Variants in MYZAP observed in about 807,000 individuals in gnomAD.
MYZAP encodes the protein myocardial zonula adherens protein.
MYZAP carries 66 observed loss-of-function variants against 69.4 expected under a neutral mutation model. That is an observed-to-expected ratio of 0.95 (90% confidence interval 0.78 to 1.17). The LOEUF (loss-of-function observed/expected upper bound fraction) is 1.17. MYZAP is among the 50% of genes most tolerant of loss of function. The pLI is 0.00. For synonymous variants in MYZAP, 256 were observed against 205.9 expected (o/e 1.24, Z -2.09); for missense variants, 611 against 556.2 (o/e 1.10, Z -0.99).
chr15:57,641,208 AAACCCTT>A (rs1400761519), intron 10 of MYZAP, among the ~76,000 whole-genome samples: 2 of 152,134 alleles, frequency 1.3e-5, no homozygotes, highest in East Asian at 3.8e-4. Flanking sequence ...TGATTCACTT[AAACCCTT>A]ACCTGTAAGA....
At chr15:57,659,247 G>A (rs887655669) in intron 10 of MYZAP, among the ~76,000 whole-genome samples, 1 of 152,010 alleles carries the variant, frequency 6.6e-6, no homozygotes, top group Non-Finnish European at 1.5e-5. Flanking sequence ...CGTTCATCTA[G>A]TTTATTTTTT....
intron 2 of MYZAP, among the ~76,000 whole-genome samples, chr15:57,611,532 C>T (rs1028058898): frequency 1.3e-5 from 2 of 152,116 alleles, no homozygotes; most frequent in African/African-American, 4.8e-5. Context: ...CACTAGTCTG[C>T]ATGGAAGCTG....
rs1274552548 is a variant in MYZAP, at chr15:57,627,391, G to A, written c.525+1499G>A. On this transcript the variant is annotated intron_variant, in intron 5 of 12. Coordinates refer to ENST00000267853, the MANE Select transcript of MYZAP (RefSeq NM_001018100.5). ...AGAGAGAGGGAGAGGGAGGGGGAGG[G>A]GGAGGGGGAGGGGAGGGGAAGGGGG... Among the ~76,000 whole-genome samples, 543 of 137,248 alleles carry A rather than the reference G, an allele frequency of 4.0e-3. 7 individuals carry two copies. The highest frequency in any genetic ancestry group is 0.014 in the African/African-American group (507 of 37,042). 90.0% of individuals were successfully genotyped at this position (137,248 alleles called of 152,430 possible).
At chr15:57,665,116 A>G (rs1425948) in intron 11 of MYZAP, among the ~76,000 whole-genome samples, 103,122 of 152,102 alleles carry the variant, frequency 0.68, 35,150 homozygotes, top group East Asian at 0.87. Flanking sequence ...GTTGGAGACT[A>G]TCATCAAACT....
intron 10 of MYZAP, chr15:57,646,045 C>A: frequency 1.4e-6 from 1 of 700,944 alleles, no homozygotes; most frequent in Non-Finnish European, 2.2e-6. Context: ...TCAAGTACTT[C>A]TCATAATTGG....
chr15:57,650,547 A>G (rs2037676833), intron 10 of MYZAP, among the ~76,000 whole-genome samples: 1 of 152,214 alleles, frequency 6.6e-6, no homozygotes, highest in South Asian at 2.1e-4. Flanking sequence ...TGCCTCTGCT[A>G]CTGACTAGGC....
chr15:57,655,994 A>G (rs2037992870), intron 10 of MYZAP, among the ~76,000 whole-genome samples: 1 of 152,224 alleles, frequency 6.6e-6, no homozygotes, highest in African/African-American at 2.4e-5. Flanking sequence ...AACTTGCGTC[A>G]TTTACCACCA....
intron 10 of MYZAP, among the ~76,000 whole-genome samples, chr15:57,657,213 A>C (rs2038052195): frequency 6.6e-6 from 1 of 152,170 alleles, no homozygotes; most frequent in Non-Finnish European, 1.5e-5. Flanking sequence ...GTGTATTTGA[A>C]ATCACTTTTT....
chr15:57,603,788 T>G (rs2140332932), intron 1 of MYZAP, among the ~76,000 whole-genome samples: 1 of 152,346 alleles, frequency 6.6e-6, no homozygotes. Flanking sequence ...AATGCTGCTA[T>G]GAACATGGGT....
chr15:57,639,979 T>C (rs1344387257), intron 10 of MYZAP, among the ~76,000 whole-genome samples: 1 of 152,136 alleles, frequency 6.6e-6, no homozygotes, highest in Non-Finnish European at 1.5e-5. Flanking sequence ...GGGTGTGTCT[T>C]TCATTCCCTT....
chr15:57,647,532 T>G (rs1248047608), intron 10 of MYZAP: 1 of 985,366 alleles, frequency 1.0e-6, no homozygotes, highest in Non-Finnish European at 1.2e-6. Flanking sequence ...CAATGACCTT[T>G]AGAGAAAACA....
At chr15:57,606,173 G>C (rs1344707530) in intron 2 of MYZAP, among the ~76,000 whole-genome samples, 2 of 152,174 alleles carry the variant, frequency 1.3e-5, no homozygotes, top group Non-Finnish European at 2.9e-5. Context: ...TAAAGGGACA[G>C]TACCTTCACA....
chr15:57,673,730 C>T (rs1443049960), intron 11 of MYZAP, among the ~76,000 whole-genome samples: 1 of 152,148 alleles, frequency 6.6e-6, no homozygotes, highest in Non-Finnish European at 1.5e-5. Context: ...TCCTTGGTAT[C>T]AACCTTTCAG....
intron 1 of MYZAP, among the ~76,000 whole-genome samples, chr15:57,592,941 C>T (rs970577039): frequency 6.6e-6 from 1 of 152,144 alleles, no homozygotes; most frequent in Admixed American, 6.5e-5. Flanking sequence ...CTTCTGTAAT[C>T]GTGTTTCCTC....
chr15:57,619,855 A>C (rs1390133441), intron 3 of MYZAP, among the ~76,000 whole-genome samples: 1 of 152,222 alleles, frequency 6.6e-6, no homozygotes, highest in Non-Finnish European at 1.5e-5. Context: ...CAAAGGCAGG[A>C]GGAGATGTTG....
At chr15:57,682,912 A>G (rs1250757119) in intron 12 of MYZAP, among the ~76,000 whole-genome samples, 2 of 152,168 alleles carry the variant, frequency 1.3e-5, no homozygotes. Context: ...GTGAATTTCT[A>G]GATGTGAATT....
At chr15:57,662,931 G>A (rs555373292) in intron 11 of MYZAP, among the ~76,000 whole-genome samples, 3 of 152,318 alleles carry the variant, frequency 2.0e-5, no homozygotes, top group Admixed American at 6.5e-5. Context: ...AAGAGTCTCT[G>A]TCTTTTGAAG....
intron 10 of MYZAP, among the ~76,000 whole-genome samples, chr15:57,659,372 G>C (rs578261032): frequency 6.6e-6 from 1 of 152,024 alleles, no homozygotes; most frequent in Non-Finnish European, 1.5e-5. Context: ...AGTTTTCTCA[G>C]TAGATAGTGT....
Position 57,601,156 on chromosome 15 carries a change from A to G in MYZAP, c.76-3113A>G, listed in dbSNP as rs191071366. ...CTATGTGACACTCTCCCTTTATCCC[A>G]TTTTACCCTTGAGATTCAGAGAGAT... On this transcript the variant is annotated intron_variant, in intron 1 of 12. Coordinates refer to ENST00000267853, the MANE Select transcript of MYZAP (RefSeq NM_001018100.5). Among the ~76,000 whole-genome samples, 22 of 152,230 alleles carry G rather than the reference A, an allele frequency of 1.4e-4. No homozygotes were observed. The East Asian group carries it at 2.5e-3, about 17-fold the overall frequency.
Sources: gnomAD v4.1 joint callset for allele counts (sites outside exome capture counted in the v4.1 genomes callset) on GRCh38, gnomAD v4.1.1 for gene constraint, MANE v1.5 for transcripts, NCBI Gene and HGNC (gene_info 2026-07-23, HGNC 2026-07-21) for gene names.